CAMKMT: variants seen among roughly 807,000 people sequenced by gnomAD.
CAMKMT encodes CaM KMT.
CAMKMT carries 53 observed loss-of-function variants against 48.0 expected under a neutral mutation model. The observed-to-expected ratio is 1.10, with a 90% CI of 0.89 to 1.39. The LOEUF is 1.39. CAMKMT is among the 40% of genes most tolerant of loss of function. The probability of loss-of-function intolerance (pLI) is 0.00; values close to 1 mark genes in which losing one functional copy is unlikely to be tolerated. For missense variants in CAMKMT, 428 were observed against 402.7 expected (o/e 1.06, Z -0.54); for synonymous variants, 165 against 152.3 (o/e 1.08, Z -0.61).
At chr2:44,480,916 T>A (rs1428065780) in intron 3 of CAMKMT, among the ~76,000 whole-genome samples, 1 of 152,050 alleles carries the variant, frequency 6.6e-6, no homozygotes, top group East Asian at 1.9e-4. Flanking sequence ...TTATTGAAGA[T>A]AAAGGAAATG....
intron 3 of CAMKMT, among the ~76,000 whole-genome samples, chr2:44,534,774 T>C (rs1666674789): frequency 6.6e-6 from 1 of 151,970 alleles, no homozygotes; most frequent in Non-Finnish European, 1.5e-5. Flanking sequence ...ATCAAAAAAG[T>C]AGAAAGATTT....
At chr2:44,467,607 T>G (rs1260027041) in intron 3 of CAMKMT, among the ~76,000 whole-genome samples, 1 of 150,256 alleles carries the variant, frequency 6.7e-6, no homozygotes, top group Admixed American at 6.6e-5. Flanking sequence ...ACCACCAAAA[T>G]ATACTACAAA....
intron 3 of CAMKMT, among the ~76,000 whole-genome samples, chr2:44,594,002 A>G (rs538403587): frequency 6.6e-6 from 1 of 152,218 alleles, no homozygotes; most frequent in South Asian, 2.1e-4. Context: ...ACCTCAGGTG[A>G]TCTGCCCACC....
chr2:44,642,698 A>G (rs1673513093), intron 3 of CAMKMT, among the ~76,000 whole-genome samples: 1 of 152,050 alleles, frequency 6.6e-6, no homozygotes, highest in Non-Finnish European at 1.5e-5. Flanking sequence ...GAACATGTCT[A>G]AACTACTCTG....
At chr2:44,530,280 T>C (rs1666413443) in intron 3 of CAMKMT, among the ~76,000 whole-genome samples, 1 of 152,206 alleles carries the variant, frequency 6.6e-6, no homozygotes, top group Admixed American at 6.5e-5. Context: ...GTATTATCTG[T>C]TATATAGCAT....
At chr2:44,558,568 T>C (rs1273788719) in intron 3 of CAMKMT, among the ~76,000 whole-genome samples, 1 of 152,114 alleles carries the variant, frequency 6.6e-6, no homozygotes, top group Non-Finnish European at 1.5e-5. Context: ...AAGGAAATTG[T>C]GGTACATATG....
chr2:44,603,460 C>A (rs957263081), intron 3 of CAMKMT, among the ~76,000 whole-genome samples: 2 of 152,128 alleles, frequency 1.3e-5, no homozygotes, highest in African/African-American at 4.8e-5. Context: ...ACTGGATCAG[C>A]TATATATTGC....
intron 3 of CAMKMT, among the ~76,000 whole-genome samples, chr2:44,568,415 T>C (rs565283817): frequency 5.9e-5 from 9 of 152,214 alleles, no homozygotes; most frequent in Non-Finnish European, 1.2e-4. Context: ...TTGGTAGCTG[T>C]TGCTCTGAGC....
intron 3 of CAMKMT, among the ~76,000 whole-genome samples, chr2:44,608,002 G>T (rs527582606): frequency 2.0e-5 from 3 of 150,286 alleles, no homozygotes; most frequent in Non-Finnish European, 4.4e-5. Context: ...CACATACCAG[G>T]TATAATTTTA....
At chr2:44,574,880 A>G (rs1669126127) in intron 3 of CAMKMT, among the ~76,000 whole-genome samples, 1 of 150,224 alleles carries the variant, frequency 6.7e-6, no homozygotes, top group African/African-American at 2.5e-5. Context: ...AGCTGGGACT[A>G]CAGGCATGAG....
chr2:44,511,079 G>C (rs770962121), intron 3 of CAMKMT, among the ~76,000 whole-genome samples: 3 of 152,144 alleles, frequency 2.0e-5, no homozygotes, highest in Non-Finnish European at 4.4e-5. Context: ...CACCTCAAGT[G>C]ATCTGCCCGC....
chr2:44,630,083 A>G (rs1356830596), intron 3 of CAMKMT, among the ~76,000 whole-genome samples: 5 of 151,434 alleles, frequency 3.3e-5, no homozygotes, highest in Non-Finnish European at 7.4e-5. Flanking sequence ...GCCCTCAGAA[A>G]TAACACCACA....
At chr2:44,383,557 G>C (rs1680475812) in intron 2 of CAMKMT, among the ~76,000 whole-genome samples, 1 of 152,098 alleles carries the variant, frequency 6.6e-6, no homozygotes, top group Non-Finnish European at 1.5e-5. Flanking sequence ...CTTTTGTGGT[G>C]TTCTGTGAGA....
chr2:44,701,399 C>G (rs1407561855), intron 3 of CAMKMT, among the ~76,000 whole-genome samples: 5 of 152,026 alleles, frequency 3.3e-5, no homozygotes, highest in African/African-American at 1.2e-4. Context: ...CTTAGATTAG[C>G]AAAAATTAGT....
intron 9 of CAMKMT, among the ~76,000 whole-genome samples, chr2:44,759,832 G>GC (rs1420467774): frequency 2.0e-5 from 3 of 152,208 alleles, no homozygotes; most frequent in Non-Finnish European, 4.4e-5. Context: ...TAGAATCTCT[G>GC]CCCCCAAAGA....
At chr2:44,500,329 GCTTGT>G (rs1411122693) in intron 3 of CAMKMT, among the ~76,000 whole-genome samples, 6 of 152,038 alleles carry the variant, frequency 3.9e-5, no homozygotes, top group African/African-American at 1.4e-4. Context: ...ACTCTTTTGA[GCTTGT>G]CTTATTTAAA....
At chr2:44,627,697 CTTTTTTTTTTTTTTTTTT>C (rs1174344846) in intron 3 of CAMKMT, among the ~76,000 whole-genome samples, 1 of 75,098 alleles carries the variant, frequency 1.3e-5, no homozygotes, top group Non-Finnish European at 2.4e-5. Flanking sequence ...CCATTTTATC[CTTTTTTTTTTTTTTTTTT>C]TTTTTTTTTT....
At chr2:44,396,793 G>A (rs751490859) in intron 3 of CAMKMT, among the ~76,000 whole-genome samples, 1 of 151,390 alleles carries the variant, frequency 6.6e-6, no homozygotes, top group Non-Finnish European at 1.5e-5. Flanking sequence ...GGGAACTGTG[G>A]CTCACACCTG....
chr2:44,425,130 G>C (rs1355421184), intron 3 of CAMKMT, among the ~76,000 whole-genome samples: 1 of 152,122 alleles, frequency 6.6e-6, no homozygotes, highest in Admixed American at 6.5e-5. Context: ...GACTCCTTTA[G>C]AGATTCTGAA....
Sources: allele counts gnomAD v4.1 joint callset (sites outside exome capture counted in the v4.1 genomes callset), GRCh38; gene constraint gnomAD v4.1.1; transcripts MANE v1.5; gene names NCBI Gene and HGNC (gene_info 2026-07-23, HGNC 2026-07-21).